The following LRRK2 variants were observed in gnomAD, a reference collection of about 807,000 sequenced individuals.
LRRK2 encodes the protein leucine rich repeat kinase 2.
A neutral mutation model predicts 302.6 loss-of-function variants in LRRK2; 203 were observed. That is an observed-to-expected ratio of 0.67 (90% CI 0.60 to 0.75). LRRK2 has a LOEUF of 0.75. Ranked by LOEUF, LRRK2 falls within the 30% of genes least tolerant of loss-of-function variation. The pLI, the probability that LRRK2 is intolerant of heterozygous loss-of-function variation, is 0.00. For synonymous variants in LRRK2, 1,066 were observed against 1,031.9 expected (o/e 1.03, Z -0.63); for missense variants, 2,830 against 2,951.0 (o/e 0.96, Z 0.95).
chr12:40,329,769 T>G (rs182267532), intron 39 of LRRK2, among the ~76,000 whole-genome samples: 147 of 152,296 alleles, frequency 9.7e-4, no homozygotes, highest in Admixed American at 5.9e-3. Context: ...AGATGGAGTC[T>G]CATTAGGTTG....
chr12:40,341,580 C>G (rs563217904), intron 41 of LRRK2, among the ~76,000 whole-genome samples: 3 of 152,136 alleles, frequency 2.0e-5, no homozygotes, highest in Admixed American at 2.0e-4. Context: ...TTTTTGAGTA[C>G]CTGCTGTGCG....
intron 40 of LRRK2, among the ~76,000 whole-genome samples, chr12:40,339,310 A>C (rs1195074120): frequency 6.6e-6 from 1 of 152,238 alleles, no homozygotes; most frequent in Admixed American, 6.5e-5. Context: ...CATCACATGA[A>C]ATGCTGTAGT....
In LRRK2 at chr12:40,287,462, A is replaced by G. The variant is rs201505363; in HGVS notation, c.2612A>G (p.Lys871Arg). The change falls in exon 20 of 51, where the codon AAA becomes AGA. Residue 871 changes from lysine (K) to arginine (R), a missense_variant. Lys to Arg is a conservative substitution (Grantham distance 26). This residue lies in a region of LRRK2 where 2,121 missense variants were observed against 2,148.0 expected (regional missense o/e 0.99). Transcript: ENST00000298910. The part of the protein sequence containing the change: ...DGNFSEDVLS[K>R]FDEWTFIPDS... The stretch of plus-strand genomic sequence containing the variant: ...AATTTTTCTGAAGATGTGCTGTCTA[A>G]ATTTGATGAATGGACCTTTATTCCT... The G allele has an allele frequency of 1.9e-6, 3 of 1,612,746 alleles. No individual in the cohort carries two copies. The highest frequency in any genetic ancestry group is 2.5e-6 in the Non-Finnish European group (3 of 1,179,144).
chr12:40,353,685 C>G (rs1294093382), intron 44 of LRRK2, among the ~76,000 whole-genome samples: 1 of 152,244 alleles, frequency 6.6e-6, no homozygotes. Flanking sequence ...GCACTCCAGC[C>G]TGGGCAACTT....
chr12:40,265,736 A>G (rs1376630027), intron 14 of LRRK2, among the ~76,000 whole-genome samples: 4 of 152,144 alleles, frequency 2.6e-5, no homozygotes, highest in African/African-American at 9.7e-5. Flanking sequence ...TCCCCACGCT[A>G]CCTGACTTCA....
Position 40,328,444 on chromosome 12 carries a change from T to C in LRRK2, c.5741T>C (p.Leu1914Pro). 6.2e-7 allele frequency: 1 copy of C among 1,611,144 alleles called. No homozygotes were observed. The highest frequency in any genetic ancestry group is 1.1e-5 in the South Asian group (1 of 90,856). Residue 1914 changes from leucine to proline, a missense_variant, in exon 39 of 51, where the codon CTC becomes CCC. Physicochemically the swap from Leu to Pro is moderately conservative, Grantham distance 98 (BLOSUM62 -3). This residue lies in a region of LRRK2 where 253 missense variants were observed against 346.7 expected (regional missense o/e 0.73). Coordinates refer to ENST00000298910, the MANE Select transcript of LRRK2 (RefSeq NM_198578.4). ...AVKIFNKHTSLRLLRQELVVL... is the reference protein window; with the variant it reads ...AVKIFNKHTSPRLLRQELVVL... Reference sequence around the variant, plus strand: ...AAGATTTTTAATAAACATACATCACTCAGGCTGTTAAGACAAGTAAGAAAT... The same window carrying C: ...AAGATTTTTAATAAACATACATCACCCAGGCTGTTAAGACAAGTAAGAAAT...
At position 40,347,737 on chromosome 12, in the gene LRRK2, C is replaced by A. The variant is rs535073320; in HGVS notation, c.6281-672C>A. ...CAGCACTTTGGGAGGCCCAGGCAGG[C>A]AGATCACTTGAGGCCAGGAGCTGGA... On this transcript the variant is annotated intron_variant, in intron 42 of 50. Transcript: ENST00000298910. Among the ~76,000 whole-genome samples the A allele has an allele frequency of 2.0e-5, 3 of 152,266 alleles. No individual in the cohort carries two copies. The East Asian group carries it at 5.8e-4, about 29-fold the overall frequency.
chr12:40,340,167 A>G, intron 40 of LRRK2, 127 bp from the exon 41 acceptor site: 1 of 884,618 alleles, frequency 1.1e-6, no homozygotes, highest in Non-Finnish European at 1.8e-6. Context: ...TCTTAACTTT[A>G]AGGGACAAAG....
At chr12:40,313,950 C>T in intron 31 of LRRK2, 22 bp from the exon 32 acceptor site, 1 of 1,602,152 alleles carries the variant, frequency 6.2e-7, no homozygotes, top group African/African-American at 1.3e-5. Context: ...ATTTTTACGG[C>T]TTGTCATTTG....
chr12:40,251,791 A>G (rs1458774969), intron 10 of LRRK2, among the ~76,000 whole-genome samples: 2 of 152,198 alleles, frequency 1.3e-5, no homozygotes, highest in African/African-American at 4.8e-5. Flanking sequence ...TAATTCATGA[A>G]TCATGGAGAA....
intron 34 of LRRK2, 148 bp from the exon 35 acceptor site, chr12:40,320,886 A>G: frequency 1.0e-6 from 1 of 965,536 alleles, no homozygotes; most frequent in Non-Finnish European, 1.6e-6. Context: ...TTTTTGGTGT[A>G]GGAAAAATAT....
chr12:40,360,586 C>CAGAG (rs1946672948), intron 47 of LRRK2, among the ~76,000 whole-genome samples: 1 of 152,110 alleles, frequency 6.6e-6, no homozygotes, highest in Non-Finnish European at 1.5e-5. Flanking sequence ...GCATTGCAGA[C>CAGAG]AGAGGGACCT....
intron 8 of LRRK2, 124 bp from the exon 9 acceptor site, chr12:40,251,107 CA>C: frequency 1.7e-6 from 1 of 598,124 alleles, no homozygotes; most frequent in East Asian, 3.0e-5. Context: ...TATAATTGAC[CA>C]AGGCTTCTCC....
Position 40,290,057 on chromosome 12 carries a change from A to G in LRRK2, c.2689+2518A>G, listed in dbSNP as rs1435625998. ...GTCTCTAATCACTAATTATGACATT[A>G]TCTGTAGTTTTTCATAGATGCCCTT... is the stretch of plus-strand genomic sequence containing the variant. On this transcript the variant is annotated intron_variant, in intron 20 of 50. Transcript: ENST00000298910. 3.3e-5 allele frequency among the ~76,000 whole-genome samples: 5 copies of G among 151,950 alleles called. No individual in the cohort carries two copies. The South Asian group carries it at 1.0e-3, about 31-fold the overall frequency.
intron 20 of LRRK2, among the ~76,000 whole-genome samples, chr12:40,292,878 T>G (rs1333895077): frequency 6.6e-6 from 1 of 152,064 alleles, no homozygotes; most frequent in Non-Finnish European, 1.5e-5. Context: ...CTTTTCCTTA[T>G]TTTATAAAAC....
At chr12:40,340,504 C>T (rs1185018985) in intron 41 of LRRK2, 50 bp downstream of exon 41, 18 of 1,588,606 alleles carry the variant, frequency 1.1e-5, no homozygotes, top group Non-Finnish European at 1.5e-5. Flanking sequence ...TGGATAACCA[C>T]TGACCTCAGA....
At chr12:40,362,598 G>A (rs1473310203) in intron 47 of LRRK2, among the ~76,000 whole-genome samples, 2 of 151,988 alleles carry the variant, frequency 1.3e-5, no homozygotes, top group Admixed American at 6.6e-5. Flanking sequence ...TCTATAATAT[G>A]ACAGTGACAC....
chr12:40,266,449 G>A (rs576388232), intron 14 of LRRK2, among the ~76,000 whole-genome samples: 1 of 152,278 alleles, frequency 6.6e-6, no homozygotes, highest in East Asian at 1.9e-4. Context: ...AAACCACAAT[G>A]ATATACCATC....
At chr12:40,254,761 G>A (rs532922402) in intron 11 of LRRK2, among the ~76,000 whole-genome samples, 4 of 152,280 alleles carry the variant, frequency 2.6e-5, no homozygotes, top group Admixed American at 6.5e-5. Context: ...TGATGTCTTT[G>A]TTCAGTTTTC....
Sources: allele counts gnomAD v4.1 joint callset (sites outside exome capture counted in the v4.1 genomes callset), GRCh38; gene constraint gnomAD v4.1.1; regional missense constraint gnomAD v4.1.1; transcripts MANE v1.5; gene names NCBI Gene and HGNC (gene_info 2026-07-23, HGNC 2026-07-21).